Variants in DNAAF11 observed in about 807,000 individuals in gnomAD.
DNAAF11 encodes leucine rich repeat containing 6.
In DNAAF11, 45 loss-of-function variants were observed where a neutral mutation model predicts 60.8. The ratio of observed to expected loss-of-function variants is 0.74; its 90% CI spans 0.58 to 0.95. The LOEUF (loss-of-function observed/expected upper bound fraction) is 0.95. Ranked by LOEUF, DNAAF11 falls within the 40% of genes least tolerant of loss-of-function variation. DNAAF11 has a pLI of 0.00. For missense variants in DNAAF11, 546 were observed against 546.2 expected (o/e 1.00, Z 0.00); for synonymous variants, 191 against 183.5 (o/e 1.04, Z -0.33).
intron 10 of DNAAF11, among the ~76,000 whole-genome samples, chr8:132,585,519 G>A (rs1475830829): frequency 1.3e-5 from 2 of 152,142 alleles, no homozygotes; most frequent in Non-Finnish European, 2.9e-5. Context: ...TGGACGGCAA[G>A]ACTTTTGCTG....
intron 1 of DNAAF11, among the ~76,000 whole-genome samples, chr8:132,672,966 T>C (rs914622832): frequency 6.6e-6 from 1 of 152,134 alleles, no homozygotes; most frequent in African/African-American, 2.4e-5. Flanking sequence ...CATCCCTGCG[T>C]CTTTTTTTGG....
At chr8:132,682,412 C>A in the DNAAF11 span, among the ~76,000 whole-genome samples, 1 of 152,180 alleles carries the variant, frequency 6.6e-6, no homozygotes, top group Admixed American at 6.5e-5. Context: ...TTTCATCCAT[C>A]AGCTTAATAT....
Position 132,647,834 on chromosome 8 carries a change from A to G in DNAAF11, c.256+8996T>C, listed in dbSNP as rs557046392. Among the ~76,000 whole-genome samples the G allele has an allele frequency of 8.5e-5, 13 of 152,348 alleles. No homozygotes were observed. In the East Asian group the frequency reaches 9.6e-4, roughly 11 times the overall value. On this transcript the variant is annotated intron_variant, in intron 3 of 11. Coordinates refer to ENST00000620350, the MANE Select transcript of DNAAF11 (RefSeq NM_012472.6). ...CCAGGAAGAAGTTGAATCCCTGAATAGACCAATAACAGGCTCTGAAATTGA... is the reference window on the plus strand; with the variant it reads ...CCAGGAAGAAGTTGAATCCCTGAATGGACCAATAACAGGCTCTGAAATTGA...
At chr8:132,621,693 G>A (rs1819781055) in intron 7 of DNAAF11, among the ~76,000 whole-genome samples, 1 of 152,142 alleles carries the variant, frequency 6.6e-6, no homozygotes. Context: ...GTTCTGTCTT[G>A]CATTCCTGTC....
chr8:132,680,231 G>T (rs1311899187), upstream of DNAAF11, among the ~76,000 whole-genome samples: 1 of 152,300 alleles, frequency 6.6e-6, no homozygotes, highest in East Asian at 1.9e-4. Context: ...AAAGAGTTGT[G>T]GTGTGTGTCT....
chr8:132,653,733 G>A (rs1451076976), intron 3 of DNAAF11, among the ~76,000 whole-genome samples: 1 of 152,074 alleles, frequency 6.6e-6, no homozygotes, highest in African/African-American at 2.4e-5. Context: ...GATATTAATT[G>A]TAATTCCCAG....
chr8:132,658,855 C>A (rs1823851387), intron 2 of DNAAF11, among the ~76,000 whole-genome samples: 1 of 152,082 alleles, frequency 6.6e-6, no homozygotes, highest in Non-Finnish European at 1.5e-5. Flanking sequence ...AACCCCAGGG[C>A]CCAACTTGGA....
intron 7 of DNAAF11, among the ~76,000 whole-genome samples, chr8:132,620,416 C>G (rs1161255468): frequency 6.6e-6 from 1 of 152,170 alleles, no homozygotes; most frequent in Admixed American, 6.5e-5. Flanking sequence ...CTCACTGCAA[C>G]CTCTGCCTCC....
Position 132,616,233 on chromosome 8 carries a change from G to A in DNAAF11, c.915-1136C>T, listed in dbSNP as rs192447104. 5.9e-5 allele frequency among the ~76,000 whole-genome samples: 9 copies of A among 152,248 alleles called. No individual in the cohort carries two copies. The East Asian group carries it at 1.2e-3, about 20-fold the overall frequency. ...TTGCATTCTCTGGCCTCCCTTGCAG[G>A]TGGGTGAGGTCATGTGAGGGACAGT... is the stretch of plus-strand genomic sequence containing the variant. On this transcript the variant is annotated intron_variant, in intron 7 of 11. Coordinates refer to ENST00000620350, the MANE Select transcript of DNAAF11 (RefSeq NM_012472.6).
chr8:132,645,382 G>A (rs1017998654), intron 3 of DNAAF11, among the ~76,000 whole-genome samples: 5 of 152,182 alleles, frequency 3.3e-5, no homozygotes, highest in African/African-American at 4.8e-5. Flanking sequence ...AAGATGGGGA[G>A]AAACCAGAGC....
At chr8:132,627,642 G>A (rs1820406414) in intron 5 of DNAAF11, among the ~76,000 whole-genome samples, 1 of 152,072 alleles carries the variant, frequency 6.6e-6, no homozygotes, top group South Asian at 2.1e-4. Flanking sequence ...CTCTCTCCTG[G>A]CCCTGTTCCA....
intron 5 of DNAAF11, among the ~76,000 whole-genome samples, chr8:132,626,364 T>C (rs1820285890): frequency 6.6e-6 from 1 of 152,172 alleles, no homozygotes; most frequent in African/African-American, 2.4e-5. Context: ...ACTTTTTATA[T>C]TATGGCCTGT....
Position 132,571,570 on chromosome 8 carries a change from G to A in DNAAF11, c.*736C>T, listed in dbSNP as rs1814193125. 6.6e-6 allele frequency among the ~76,000 whole-genome samples: 1 copy of A among 152,024 alleles called. No homozygotes were observed. The highest frequency in any genetic ancestry group is 6.6e-5 in the Admixed American group (1 of 15,258). On this transcript the variant is annotated 3_prime_UTR_variant, in exon 12 of 12. Transcript: ENST00000620350. ...GGAAGAAGGAGCAGGGAGGAGGAGA[G>A]ACAGGAGAAAGGGAGGAGAAGAGAG...
At chr8:132,617,142 T>C (rs779623469) in intron 7 of DNAAF11, among the ~76,000 whole-genome samples, 5 of 152,048 alleles carry the variant, frequency 3.3e-5, no homozygotes, top group Non-Finnish European at 5.9e-5. Context: ...CTTAACAACA[T>C]AACTGAATAG....
At chr8:132,630,278 G>C (rs368747697) in intron 5 of DNAAF11, among the ~76,000 whole-genome samples, 3 of 152,166 alleles carry the variant, frequency 2.0e-5, no homozygotes, top group Non-Finnish European at 4.4e-5. Context: ...TACTCCTATG[G>C]AACAGTCTAG....
chr8:132,692,830 A>G, the DNAAF11 span, among the ~76,000 whole-genome samples: 1 of 152,234 alleles, frequency 6.6e-6, no homozygotes, highest in South Asian at 2.1e-4. Flanking sequence ...GAGGGGAGGA[A>G]AGTGTCCATT....
intron 10 of DNAAF11, among the ~76,000 whole-genome samples, chr8:132,590,916 T>C (rs964622506): frequency 6.6e-6 from 1 of 152,246 alleles, no homozygotes; most frequent in South Asian, 2.1e-4. Flanking sequence ...TTCAAAATTA[T>C]ATACTTTGAT....
At position 132,616,741 on chromosome 8, in the gene DNAAF11, A is replaced by G. The variant is rs577811986; in HGVS notation, c.915-1644T>C. On this transcript the variant is annotated intron_variant, in intron 7 of 11. Transcript: ENST00000620350. ...GTTAGAAACAAATTTTCAGTGCCAC[A>G]AAGTGAAACCAGCACTCAGGCAAAA... 2.0e-5 allele frequency among the ~76,000 whole-genome samples: 3 copies of G among 152,334 alleles called. No individual in the cohort carries two copies. In the South Asian group the frequency reaches 6.2e-4, roughly 32 times the overall value.
At chr8:132,618,158 C>A (rs1281331781) in intron 7 of DNAAF11, among the ~76,000 whole-genome samples, 33 of 151,878 alleles carry the variant, frequency 2.2e-4, no homozygotes, top group African/African-American at 8.0e-4. Context: ...CTACAACTAT[C>A]TGATCTTTGA....
Sources: gnomAD v4.1 joint callset for allele counts (sites outside exome capture counted in the v4.1 genomes callset) on GRCh38, gnomAD v4.1.1 for gene constraint, MANE v1.5 for transcripts, NCBI Gene and HGNC (gene_info 2026-07-23, HGNC 2026-07-21) for gene names.